TMTC1: variants seen among roughly 807,000 people sequenced by gnomAD.
TMTC1 encodes the protein protein O-mannosyl-transferase TMTC1.
In TMTC1, 73 loss-of-function variants were observed where a neutral mutation model predicts 104.8. The ratio of observed to expected loss-of-function variants is 0.70; its 90% CI spans 0.58 to 0.85. The LOEUF is 0.85. Ranked by LOEUF, TMTC1 falls within the 40% of genes least tolerant of loss-of-function variation. TMTC1 has a pLI of 0.00. For missense variants in TMTC1, 1,035 were observed against 1,096.1 expected (o/e 0.94, Z 0.79); for synonymous variants, 434 against 428.7 (o/e 1.01, Z -0.15).
At chr12:29,642,996 A>C (rs1938931032) in intron 5 of TMTC1, among the ~76,000 whole-genome samples, 1 of 152,088 alleles carries the variant, frequency 6.6e-6, no homozygotes, top group African/African-American at 2.4e-5. Context: ...ACATGAATAG[A>C]TAATTCTCAA....
At chr12:29,648,526 T>C (rs1939372639) in intron 5 of TMTC1, among the ~76,000 whole-genome samples, 1 of 152,122 alleles carries the variant, frequency 6.6e-6, no homozygotes, top group Non-Finnish European at 1.5e-5. Context: ...CACAGCAGAT[T>C]GGAAGAGGCC....
chr12:29,548,133 C>A (rs774945461), intron 10 of TMTC1, among the ~76,000 whole-genome samples: 1 of 152,084 alleles, frequency 6.6e-6, no homozygotes, highest in African/African-American at 2.4e-5. Context: ...GGATCTGGGG[C>A]ATGCTGAAGT....
At chr12:29,523,896 G>A (rs1196550890) in intron 11 of TMTC1, among the ~76,000 whole-genome samples, 1 of 151,776 alleles carries the variant, frequency 6.6e-6, no homozygotes, top group Non-Finnish European at 1.5e-5. Flanking sequence ...GGTCTGCTGG[G>A]GCCTATTGTA....
chr12:29,570,879 ACACCC>A (rs1945651575), intron 9 of TMTC1, among the ~76,000 whole-genome samples: 1 of 120,400 alleles, frequency 8.3e-6, no homozygotes, highest in Non-Finnish European at 1.7e-5. Context: ...AAAAACAGAA[ACACCC>A]CCCCCCCCCG....
At chr12:29,563,114 T>G (rs1202335448) in intron 9 of TMTC1, among the ~76,000 whole-genome samples, 1 of 152,204 alleles carries the variant, frequency 6.6e-6, no homozygotes, top group Admixed American at 6.5e-5. Context: ...CTCTCCATTT[T>G]AAGAATGTAG....
Position 29,504,463 on chromosome 12 carries a change from G to A in TMTC1, c.*2383C>T, listed in dbSNP as rs1241647395. On this transcript the variant is annotated 3_prime_UTR_variant, in exon 18 of 18. Transcript: ENST00000539277. ...TTGCATTGGCCACATCTCAGTGAAG[G>A]TATTCACTTGGGATAAAAGTATCTG... 2.6e-5 allele frequency: 4 copies of A among 152,144 alleles called. No individual in the cohort carries two copies. Among genetic ancestry groups the A allele is most frequent in the African/African-American group, 9.7e-5 (4 of 41,426 alleles). The allele number at this position is 152,144 out of a possible 1,614,324, so 9.4% of individuals were successfully genotyped here. A position where few individuals can be genotyped will look rare whatever the true frequency, so the allele number is the denominator to read the frequency against.
At position 29,651,459 on chromosome 12, in the gene TMTC1, C is replaced by T. The variant is rs138919465; in HGVS notation, c.939-18123G>A. Among the ~76,000 whole-genome samples, 16 of 152,188 alleles carry T rather than the reference C, an allele frequency of 1.1e-4. 2 individuals are homozygous for T. Among genetic ancestry groups the T allele is most frequent in the Non-Finnish European group, 1.3e-4 (9 of 68,006 alleles). On this transcript the variant is annotated intron_variant, in intron 5 of 17. Transcript: ENST00000539277. ...ATGGAGTTCATTATACTGTTCTCTC[C>T]GCTTTTGTAATATGTATTTGTAAGT...
chr12:29,519,085 A>G (rs1368214995), intron 12 of TMTC1: 1 of 152,602 alleles, frequency 6.6e-6, no homozygotes, highest in African/African-American at 2.4e-5. Flanking sequence ...TAAATAACAC[A>G]TATCAGCTCT....
intron 1 of TMTC1, among the ~76,000 whole-genome samples, chr12:29,769,062 C>A (rs1047397909): frequency 6.6e-6 from 1 of 152,142 alleles, no homozygotes; most frequent in Non-Finnish European, 1.5e-5. Flanking sequence ...AATTCTCAGG[C>A]CTTTGATCTG....
At chr12:29,694,368 T>C (rs11050387) in intron 5 of TMTC1, among the ~76,000 whole-genome samples, 11,900 of 152,194 alleles carry the variant, frequency 0.078, 828 homozygotes, top group African/African-American at 0.18. Flanking sequence ...TCCTCAGATA[T>C]TCAAATCCCT....
In TMTC1 at chr12:29,504,826, T is replaced by C. The variant is rs1470635827; in HGVS notation, c.*2020A>G. On this transcript the variant is annotated 3_prime_UTR_variant, in exon 18 of 18. Transcript: ENST00000539277. ...TCCATTAAATTTTTAAGCATGAGTT[T>C]TCATTACAGATTATTCTGAAAAGTT... is the stretch of plus-strand genomic sequence containing the variant. 2.0e-5 allele frequency: 3 copies of C among 152,220 alleles called. No homozygotes were observed. Among genetic ancestry groups the C allele is most frequent in the Admixed American group, 6.5e-5 (1 of 15,274 alleles). The allele number at this position is 152,220 out of a possible 1,614,324, so 9.4% of individuals were successfully genotyped here. A position where few individuals can be genotyped will look rare whatever the true frequency, so the allele number is the denominator to read the frequency against.
At chr12:29,564,521 C>A (rs888747428) in intron 9 of TMTC1, among the ~76,000 whole-genome samples, 2 of 152,104 alleles carry the variant, frequency 1.3e-5, no homozygotes, top group Non-Finnish European at 2.9e-5. Flanking sequence ...AAGTGGTCAA[C>A]AAAGTCAAAT....
intron 4 of TMTC1, among the ~76,000 whole-genome samples, chr12:29,753,948 T>C (rs955968735): frequency 1.1e-4 from 16 of 152,282 alleles, no homozygotes; most frequent in African/African-American, 3.8e-4. Flanking sequence ...CTCACTGCAA[T>C]GTCCGACTCC....
intron 9 of TMTC1, among the ~76,000 whole-genome samples, chr12:29,561,052 G>A (rs1315256433): frequency 6.6e-6 from 1 of 152,066 alleles, no homozygotes; most frequent in Non-Finnish European, 1.5e-5. Context: ...AAGGGAAACT[G>A]GGAGAAATTA....
intron 11 of TMTC1, chr12:29,534,084 TG>T (rs1481447483): frequency 1.3e-5 from 2 of 152,226 alleles, no homozygotes; most frequent in African/African-American, 4.8e-5. Context: ...TCATACACTC[TG>T]GGTGTTTGAA....
At chr12:29,595,016 T>C (rs1177486882) in intron 7 of TMTC1, among the ~76,000 whole-genome samples, 3 of 152,226 alleles carry the variant, frequency 2.0e-5, no homozygotes, top group Non-Finnish European at 4.4e-5. Context: ...TTGCACGAGG[T>C]AGATTGAAAT....
chr12:29,571,902 A>T (rs1402822109), intron 9 of TMTC1, among the ~76,000 whole-genome samples: 1 of 152,232 alleles, frequency 6.6e-6, no homozygotes, highest in Admixed American at 6.5e-5. Context: ...CAAGACTTAC[A>T]CGCAAGGTAG....
chr12:29,649,528 C>T (rs1205844509), intron 5 of TMTC1, among the ~76,000 whole-genome samples: 1 of 152,204 alleles, frequency 6.6e-6, no homozygotes, highest in Non-Finnish European at 1.5e-5. Context: ...CTGGCTTACG[C>T]CCTCACCACC....
chr12:29,508,079 A>G (rs1268222230), intron 17 of TMTC1, among the ~76,000 whole-genome samples: 1 of 152,158 alleles, frequency 6.6e-6, no homozygotes, highest in African/African-American at 2.4e-5. Context: ...TACTAACATT[A>G]CTGTTATTAA....
Sources: allele counts gnomAD v4.1 joint callset (sites outside exome capture counted in the v4.1 genomes callset), GRCh38; gene constraint gnomAD v4.1.1; transcripts MANE v1.5; gene names NCBI Gene and HGNC (gene_info 2026-07-23, HGNC 2026-07-21).